Variants in TSGA13 observed in about 807,000 individuals in gnomAD.
TSGA13 encodes the protein testis-specific gene 13 protein.
Under a neutral mutation model 35.1 loss-of-function variants are expected in TSGA13, and 37 were observed. The observed-to-expected ratio is 1.05, with a 90% CI of 0.81 to 1.39. The LOEUF (loss-of-function observed/expected upper bound fraction) is 1.39, where lower values mean the gene tolerates loss of function less well. Among genes scored for constraint, TSGA13 ranks in the 40% most tolerant of loss-of-function variants. The pLI, the probability that TSGA13 is intolerant of heterozygous loss-of-function variation, is 0.00. For synonymous variants in TSGA13, 124 were observed against 121.2 expected (o/e 1.02, Z -0.15); for missense variants, 338 against 328.5 (o/e 1.03, Z -0.22).
At chr7:130,684,990 C>G (rs563759808) in intron 2 of TSGA13, among the ~76,000 whole-genome samples, 198 bp downstream of exon 2, 2 of 152,270 alleles carry the variant, frequency 1.3e-5, no homozygotes, top group South Asian at 4.1e-4. Context: ...CTGGAACAAG[C>G]TGGTGCTTTC....
Position 130,680,948 on chromosome 7 carries a change from A to C in TSGA13, c.172T>G (p.Leu58Val). Residue 58 changes from leucine to valine, a missense_variant and splice_region_variant, in exon 4 of 8, where the codon TTG (leucine) becomes GTG (valine). Leu to Val is a conservative substitution (Grantham distance 32). Coordinates refer to ENST00000356588, the MANE Select transcript of TSGA13 (RefSeq NM_052933.4). ...GGGGGAATGCTTTCTCTACCTACCAAATTTGGATGGACTGTGTAATGCCGA... is the reference window on the plus strand; with the variant it reads ...GGGGGAATGCTTTCTCTACCTACCACATTTGGATGGACTGTGTAATGCCGA... Reference protein sequence around the residue: ...NLRHYTVHPNLAQYYKPLKAT... With the variant: ...NLRHYTVHPNVAQYYKPLKAT... 1 of 1,613,968 alleles carries C rather than the reference A, an allele frequency of 6.2e-7. No individual in the cohort carries two copies. Among genetic ancestry groups the C allele is most frequent in the Non-Finnish European group, 8.5e-7 (1 of 1,179,954 alleles).
chr7:130,669,478 C>A (rs1796199870), intron 7 of TSGA13, among the ~76,000 whole-genome samples: 1 of 152,222 alleles, frequency 6.6e-6, no homozygotes, highest in Non-Finnish European at 1.5e-5. Flanking sequence ...ACTAAATTAA[C>A]GTGCATTCAT....
chr7:130,680,908 C>G, intron 4 of TSGA13, 38 bp downstream of exon 4: 1 of 1,599,954 alleles, frequency 6.3e-7, no homozygotes, highest in Non-Finnish European at 8.6e-7. Flanking sequence ...GCTGAAACTT[C>G]CCCTTAGAGA....
intron 6 of TSGA13, among the ~76,000 whole-genome samples, chr7:130,672,048 G>A (rs6953927): frequency 3.4e-4 from 51 of 151,916 alleles, no homozygotes; most frequent in African/African-American, 9.4e-4. Context: ...TTGCCACCAC[G>A]CCTGGCTAAT....
At chr7:130,682,208 C>T (rs1554465206) in intron 3 of TSGA13, among the ~76,000 whole-genome samples, 1 of 152,080 alleles carries the variant, frequency 6.6e-6, no homozygotes, top group East Asian at 1.9e-4. Flanking sequence ...CAACCTCTGC[C>T]TCCCGGGTTC....
At chr7:130,681,151 G>T (rs1320011220) in intron 3 of TSGA13, 134 bp from the exon 4 acceptor site, 1 of 704,164 alleles carries the variant, frequency 1.4e-6, no homozygotes, top group Non-Finnish European at 2.4e-6. Flanking sequence ...AGTACAGTTA[G>T]AAGTGCTTCA....
At chr7:130,672,608 A>C in intron 6 of TSGA13, 126 bp downstream of exon 6, 2 of 1,294,324 alleles carry the variant, frequency 1.5e-6, no homozygotes, top group Non-Finnish European at 2.1e-6. Flanking sequence ...TCATGTAGGG[A>C]AAGTCGTGTC....
chr7:130,674,254 C>G (rs1220781955), intron 5 of TSGA13, among the ~76,000 whole-genome samples: 8 of 129,354 alleles, frequency 6.2e-5, no homozygotes, highest in African/African-American at 2.2e-4. Context: ...CTCACTACAA[C>G]CTCTGCCTCC....
intron 5 of TSGA13, among the ~76,000 whole-genome samples, chr7:130,673,333 A>G (rs782305573): frequency 1.1e-4 from 17 of 152,200 alleles, no homozygotes; most frequent in Non-Finnish European, 2.2e-4. Context: ...TGAAGTAATA[A>G]TTATACCATT....
chr7:130,674,578 A>G lies in TSGA13; in HGVS notation c.388-1702T>C, dbSNP rs183983034. Among the ~76,000 whole-genome samples, 20 of 152,278 alleles carry G rather than the reference A, an allele frequency of 1.3e-4. No individual in the cohort carries two copies. The East Asian group carries it at 3.9e-3, about 29-fold the overall frequency. ...ATCACATTACATTATCTGTGTGATC[A>G]TTTGTTTATGGTCTAAGTCACTAGA... On this transcript the variant is annotated intron_variant, in intron 5 of 7. Coordinates refer to ENST00000356588, the MANE Select transcript of TSGA13 (RefSeq NM_052933.4).
intron 2 of TSGA13, among the ~76,000 whole-genome samples, chr7:130,684,840 G>C (rs1796624494): frequency 6.6e-6 from 1 of 152,162 alleles, no homozygotes; most frequent in Non-Finnish European, 1.5e-5. Context: ...TAGTAATACA[G>C]TATAATATTT....
At position 130,680,428 on chromosome 7, in the gene TSGA13, C is replaced by T. The variant is rs538445792; in HGVS notation, c.174+518G>A. On this transcript the variant is annotated intron_variant, in intron 4 of 7. Transcript: ENST00000356588. ...GGCTGAGGCAGGAGAATAGCATGAA[C>T]CCAGGGGGCGGAGCTTGCAGTGAGC... is the stretch of plus-strand genomic sequence containing the variant. 3.7e-4 allele frequency among the ~76,000 whole-genome samples: 56 copies of T among 151,676 alleles called. 1 individual carries two copies. The highest frequency in any genetic ancestry group is 1.4e-3 in the African/African-American group (56 of 41,384).
Position 130,671,798 on chromosome 7 carries a change from G to T in TSGA13, c.531-10C>A. ...ATTGTCAGTGGAAAACCTTAACAAA[G>T]AAAGTTCTTTGTTTAGTAGATCCTA... On this transcript the variant is annotated splice_polypyrimidine_tract_variant and intron_variant, in intron 6 of 7. Coordinates refer to ENST00000356588, the MANE Select transcript of TSGA13 (RefSeq NM_052933.4). 6.4e-7 allele frequency: 1 copy of T among 1,569,496 alleles called. No individual in the cohort carries two copies. Among genetic ancestry groups the T allele is most frequent in the Non-Finnish European group, 8.7e-7 (1 of 1,153,392 alleles).
chr7:130,672,417 C>T (rs564600501), intron 6 of TSGA13, among the ~76,000 whole-genome samples: 1 of 152,110 alleles, frequency 6.6e-6, no homozygotes, highest in African/African-American at 2.4e-5. Context: ...AATGTGTTCT[C>T]ATAGCACATG....
intron 7 of TSGA13, 108 bp from the exon 8 acceptor site, chr7:130,669,291 C>A: frequency 1.4e-6 from 2 of 1,387,486 alleles, no homozygotes; most frequent in East Asian, 2.3e-5. Context: ...AGAGGCTGGT[C>A]TTTAGAGGGT....
At chr7:130,678,194 C>T (rs570195035) in intron 5 of TSGA13, among the ~76,000 whole-genome samples, 10 of 152,210 alleles carry the variant, frequency 6.6e-5, no homozygotes, top group East Asian at 5.8e-4. Context: ...CTGGCTAACA[C>T]GGTGAAACCC....
intron 2 of TSGA13, among the ~76,000 whole-genome samples, chr7:130,684,783 A>G (rs573429886): frequency 6.6e-6 from 1 of 152,154 alleles, no homozygotes; most frequent in Non-Finnish European, 1.5e-5. Flanking sequence ...ATTCATCCCA[A>G]CTTAACATCT....
rs541001046 is a variant in TSGA13 at position 130,669,460 on chromosome 7, A to C, written c.659-277T>G. ...CCATCTGAAACCATATTGACACTTAAGAAACTCACTAAATTAACGTGCATT... is the reference window on the plus strand; with the variant it reads ...CCATCTGAAACCATATTGACACTTACGAAACTCACTAAATTAACGTGCATT... On this transcript the variant is annotated intron_variant, in intron 7 of 7. Transcript: ENST00000356588. 5.9e-5 allele frequency among the ~76,000 whole-genome samples: 9 copies of C among 152,346 alleles called. No individual in the cohort carries two copies. In the East Asian group the frequency reaches 9.6e-4, roughly 16 times the overall value.
intron 5 of TSGA13, among the ~76,000 whole-genome samples, chr7:130,674,404 C>T (rs1554463837): frequency 6.6e-6 from 1 of 152,052 alleles, no homozygotes; most frequent in African/African-American, 2.4e-5. Flanking sequence ...AACTCCTGAC[C>T]TCGTGATCCA....
Sources: gnomAD v4.1 joint callset for allele counts (sites outside exome capture counted in the v4.1 genomes callset) on GRCh38, gnomAD v4.1.1 for gene constraint, MANE v1.5 for transcripts, NCBI Gene and HGNC (gene_info 2026-07-23, HGNC 2026-07-21) for gene names.